The following WDR72 variants were observed in gnomAD, a reference collection of about 807,000 sequenced individuals.
WDR72 encodes the protein WD repeat domain 72.
In WDR72, 120 loss-of-function variants were observed where a neutral mutation model predicts 124.2. That is an observed-to-expected ratio of 0.97 (90% CI 0.83 to 1.12). The LOEUF is 1.12. WDR72 is among the 50% of genes most tolerant of loss of function. The pLI is 0.00. For synonymous variants in WDR72, 452 were observed against 441.7 expected, an observed-to-expected ratio of 1.02 and a Z score of -0.29; for missense variants, 1,387 against 1,278.8, an observed-to-expected ratio of 1.08 and a Z score of -1.29.
At chr15:53,659,287 C>T (rs996059896) in intron 14 of WDR72, among the ~76,000 whole-genome samples, 18 of 152,100 alleles carry the variant, frequency 1.2e-4, no homozygotes, top group Non-Finnish European at 2.1e-4. Context: ...AATATGGATC[C>T]GGTGTTAACT....
chr15:53,554,532 T>C (rs1304360736), intron 18 of WDR72, among the ~76,000 whole-genome samples: 1 of 152,160 alleles, frequency 6.6e-6, no homozygotes, highest in Non-Finnish European at 1.5e-5. Flanking sequence ...CATCATTGTG[T>C]TGTGTTGCAA....
chr15:53,681,511 C>A (rs1797943701), intron 13 of WDR72, among the ~76,000 whole-genome samples: 1 of 152,046 alleles, frequency 6.6e-6, no homozygotes, highest in Admixed American at 6.6e-5. Context: ...AGAACTCAAT[C>A]CAAAAGTGTA....
chr15:53,627,385 T>TA (rs1443148134), intron 14 of WDR72, among the ~76,000 whole-genome samples: 1 of 152,172 alleles, frequency 6.6e-6, no homozygotes, highest in Non-Finnish European at 1.5e-5. Context: ...CCTTATAACA[T>TA]AAAGACCTAG....
At chr15:53,576,163 G>A (rs892245430) in intron 18 of WDR72, among the ~76,000 whole-genome samples, 4 of 152,096 alleles carry the variant, frequency 2.6e-5, no homozygotes, top group East Asian at 3.9e-4. Context: ...ATGACATTGC[G>A]TTATAGTTAA....
At chr15:53,568,963 A>G (rs1894401784) in intron 18 of WDR72, among the ~76,000 whole-genome samples, 1 of 152,130 alleles carries the variant, frequency 6.6e-6, no homozygotes, top group African/African-American at 2.4e-5. Context: ...TGATATATTT[A>G]GCTTGTAAAA....
chr15:53,713,413 A>ATTTTATTTTATTTTGTTTTGTTTTG (rs1555427176), intron 6 of WDR72, among the ~76,000 whole-genome samples: 1 of 112,526 alleles, frequency 8.9e-6, no homozygotes, highest in Non-Finnish European at 1.8e-5. Flanking sequence ...ATTTTGTTGT[A>ATTTTATTTTATTTTGTTTTGTTTTG]TTTTATTTTA....
At chr15:53,734,208 C>T (rs2018284776) in intron 1 of WDR72, among the ~76,000 whole-genome samples, 1 of 152,100 alleles carries the variant, frequency 6.6e-6, no homozygotes, top group Admixed American at 6.6e-5. Flanking sequence ...ACACTATGAA[C>T]ACAAATTTTC....
chr15:53,679,735 G>A (rs2016311687), intron 13 of WDR72, among the ~76,000 whole-genome samples: 1 of 152,116 alleles, frequency 6.6e-6, no homozygotes, highest in Non-Finnish European at 1.5e-5. Context: ...GCATTTTGTA[G>A]GAAACCACCA....
chr15:53,716,731 T>C (rs1231294546), intron 3 of WDR72, 46 bp from the exon 4 acceptor site: 1 of 1,422,570 alleles, frequency 7.0e-7, no homozygotes, highest in Non-Finnish European at 9.9e-7. Flanking sequence ...TTCCACTCAA[T>C]TGGCTGGAAT....
At chr15:53,692,586 A>C (rs755625818) in intron 13 of WDR72, among the ~76,000 whole-genome samples, 2 of 152,148 alleles carry the variant, frequency 1.3e-5, no homozygotes, top group Non-Finnish European at 2.9e-5. Context: ...CATGTACATA[A>C]CTCCTCTGGA....
intron 3 of WDR72, among the ~76,000 whole-genome samples, chr15:53,719,038 A>T (rs2017798096): frequency 6.6e-6 from 1 of 152,106 alleles, no homozygotes; most frequent in South Asian, 2.1e-4. Context: ...CCATGGATAA[A>T]TACATCAGCC....
At chr15:53,572,243 C>CT (rs1317187193) in intron 18 of WDR72, among the ~76,000 whole-genome samples, 8 of 152,036 alleles carry the variant, frequency 5.3e-5, no homozygotes, top group Non-Finnish European at 1.0e-4. Context: ...TTTATTTTTG[C>CT]TTTTTTTGAC....
chr15:53,731,438 T>C (rs1005657252), intron 2 of WDR72, among the ~76,000 whole-genome samples: 2 of 151,936 alleles, frequency 1.3e-5, no homozygotes, highest in Non-Finnish European at 2.9e-5. Flanking sequence ...ATGGAAAAAT[T>C]ATTTATTGTG....
intron 18 of WDR72, among the ~76,000 whole-genome samples, chr15:53,595,553 A>G (rs1424074973): frequency 6.6e-6 from 1 of 152,166 alleles, no homozygotes; most frequent in African/African-American, 2.4e-5. Context: ...CTCTGGGCCA[A>G]TGAACAAGGT....
intron 18 of WDR72, among the ~76,000 whole-genome samples, chr15:53,530,669 A>G (rs1892401792): frequency 6.6e-6 from 1 of 152,034 alleles, no homozygotes; most frequent in Admixed American, 6.6e-5. Flanking sequence ...AAAAATTTAG[A>G]AGGAGGCCAG....
intron 17 of WDR72, among the ~76,000 whole-genome samples, 170 bp from the exon 18 acceptor site, chr15:53,597,444 C>T (rs1222617167): frequency 6.6e-6 from 1 of 152,112 alleles, no homozygotes; most frequent in African/African-American, 2.4e-5. Flanking sequence ...GTAGCAACAA[C>T]TGGCACCCAG....
At chr15:53,693,053 A>G (rs763258708) in intron 13 of WDR72, among the ~76,000 whole-genome samples, 9 of 152,178 alleles carry the variant, frequency 5.9e-5, no homozygotes, top group Non-Finnish European at 1.2e-4. Flanking sequence ...CTTTTAACAT[A>G]CCTATAATGA....
intron 2 of WDR72, among the ~76,000 whole-genome samples, chr15:53,732,768 T>C (rs942599150): frequency 2.3e-4 from 35 of 152,176 alleles, no homozygotes; most frequent in Admixed American, 4.6e-4. Context: ...ATGATAACAC[T>C]TAGCTGTAGC....
intron 11 of WDR72, among the ~76,000 whole-genome samples, chr15:53,702,592 G>A (rs2017218203): frequency 6.6e-6 from 1 of 152,122 alleles, no homozygotes; most frequent in African/African-American, 2.4e-5. Context: ...TTAATTCTAG[G>A]CCAGGCATGG....
Sources: allele counts gnomAD v4.1 joint callset (sites outside exome capture counted in the v4.1 genomes callset), GRCh38; gene constraint gnomAD v4.1.1; transcripts MANE v1.5; gene names NCBI Gene and HGNC (gene_info 2026-07-23, HGNC 2026-07-21).